The following EIF3K variants were observed in gnomAD, a reference collection of about 807,000 sequenced individuals.
The protein encoded by EIF3K is eukaryotic translation initiation factor 3 subunit K, also known as eIF-3 p28.
A neutral mutation model predicts 34.2 loss-of-function variants in EIF3K; 27 were observed. The ratio of observed to expected loss-of-function variants is 0.79; its 90% confidence interval spans 0.58 to 1.09. The LOEUF is 1.09. EIF3K is among the 50% of genes least tolerant of loss of function. The pLI, the probability that EIF3K is intolerant of heterozygous loss-of-function variation, is 0.00. For missense variants in EIF3K, 232 were observed against 275.4 expected, an observed-to-expected ratio of 0.84 and a Z score of 1.11; for synonymous variants, 105 against 105.7, an observed-to-expected ratio of 0.99 and a Z score of 0.04.
chr19:38,629,240 G>A (rs964962062), intron 4 of EIF3K, among the ~76,000 whole-genome samples: 5 of 151,918 alleles, frequency 3.3e-5, no homozygotes, highest in Non-Finnish European at 7.4e-5. Flanking sequence ...CTATTCCATG[G>A]AACAGATAGA....
At chr19:38,624,557 G>C (rs1975908428) in intron 3 of EIF3K, among the ~76,000 whole-genome samples, 1 of 152,134 alleles carries the variant, frequency 6.6e-6, no homozygotes, top group African/African-American at 2.4e-5. Context: ...GGCCAACATG[G>C]CGAAACCCCA....
At chr19:38,629,067 T>A (rs1010235829) in intron 4 of EIF3K, among the ~76,000 whole-genome samples, 8 of 152,174 alleles carry the variant, frequency 5.3e-5, no homozygotes, top group Non-Finnish European at 7.3e-5. Flanking sequence ...CTTTTTTTTT[T>A]AATTCTTAAA....
Position 38,635,085 on chromosome 19 carries a change from C to T in EIF3K, c.592C>T (p.Pro198Ser), listed in dbSNP as rs1403073283. The change falls in exon 7 of 8, where the codon CCC (proline) becomes TCC (serine). Residue 198 changes from proline to serine, a missense_variant. Transcript: ENST00000248342. ...FICSQEESIK[P>S]KNIVEKIDFD... The stretch of plus-strand genomic sequence containing the variant: ...CTGTAGCCAAGAAGAGAGCATTAAA[C>T]CCAAGAACATTGTGGAGAAGATTGA... 6.2e-7 allele frequency: 1 copy of T among 1,614,234 alleles called. No individual in the cohort carries two copies.
intron 4 of EIF3K, chr19:38,631,997 A>G (rs1599738379): frequency 2.1e-5 from 4 of 188,512 alleles, no homozygotes; most frequent in Non-Finnish European, 4.4e-5. Flanking sequence ...TCAAGGCAGA[A>G]GAATTTTTCT....
At chr19:38,629,898 G>A (rs1166748481) in intron 4 of EIF3K, among the ~76,000 whole-genome samples, 2 of 152,120 alleles carry the variant, frequency 1.3e-5, no homozygotes, top group Non-Finnish European at 2.9e-5. Context: ...AATGGGCTAT[G>A]GTAGGAAAAT....
intron 4 of EIF3K, chr19:38,628,606 C>T (rs1975996715): frequency 6.6e-6 from 1 of 152,254 alleles, no homozygotes; most frequent in Non-Finnish European, 1.5e-5. Flanking sequence ...GGATGGATCG[C>T]CTGAGGTCAG....
In EIF3K at chr19:38,635,037, G is replaced by T. The variant is rs138580388; in HGVS notation, c.544G>T (p.Asp182Tyr). ...VWMSKYGWSA[D>Y]ESGQIFICSQ... is the part of the protein sequence containing the mutation. The stretch of plus-strand genomic sequence containing the variant: ...GATGAGCAAATACGGCTGGAGTGCC[G>T]ACGAGTCGGGGCAGATCTTCATCTG... The change falls in exon 7 of 8, where the codon GAC (aspartate) becomes TAC (tyrosine). Residue 182 changes from aspartate to tyrosine, a missense_variant. By Grantham distance (160) the Asp-to-Tyr change is radical (BLOSUM62 -3). Coordinates refer to ENST00000248342, the MANE Select transcript of EIF3K (RefSeq NM_013234.4). 6.2e-7 allele frequency: 1 copy of T among 1,614,158 alleles called. No individual in the cohort carries two copies. The highest frequency in any genetic ancestry group is 1.1e-5 in the South Asian group (1 of 91,066).
At chr19:38,632,393 A>G (rs1426936939) in intron 4 of EIF3K, 37 bp from the exon 5 acceptor site, 77 of 1,587,188 alleles carry the variant, frequency 4.9e-5, no homozygotes, top group Non-Finnish European at 6.6e-5. Context: ...AAATAATTTA[A>G]AAGAATAAAC....
chr19:38,626,281 C>T (rs1022886849), intron 4 of EIF3K, 179 bp downstream of exon 4: 3 of 648,038 alleles, frequency 4.6e-6, no homozygotes, highest in Non-Finnish European at 5.5e-6. Flanking sequence ...AGGTCATCCC[C>T]GTGCCCACAG....
intron 7 of EIF3K, among the ~76,000 whole-genome samples, chr19:38,636,027 C>T (rs1976182920): frequency 6.6e-6 from 1 of 152,232 alleles, no homozygotes; most frequent in Non-Finnish European, 1.5e-5. Flanking sequence ...CAGCATTGAG[C>T]AGGCAGCCAT....
intron 4 of EIF3K, 35 bp from the exon 5 acceptor site, chr19:38,632,395 A>G: frequency 1.3e-6 from 2 of 1,589,916 alleles, no homozygotes. Context: ...ATAATTTAAA[A>G]GAATAAACAT....
intron 2 of EIF3K, among the ~76,000 whole-genome samples, chr19:38,621,372 C>T (rs919464898): frequency 3.9e-5 from 6 of 152,020 alleles, no homozygotes; most frequent in African/African-American, 1.2e-4. Flanking sequence ...AAGATCATAC[C>T]ACTGCACTCC....
At position 38,635,025 on chromosome 19, in the gene EIF3K, G is replaced by A. The variant is rs750327625; in HGVS notation, c.532G>A (p.Gly178Ser). 4.5e-5 allele frequency: 73 copies of A among 1,614,038 alleles called. No individual in the cohort carries two copies. The highest frequency in any genetic ancestry group is 8.3e-5 in the Admixed American group (5 of 60,004). Reference sequence around the variant, plus strand: ...GCTAAAGGTGTGGATGAGCAAATACGGCTGGAGTGCCGACGAGTCGGGGCA... The same window carrying A: ...GCTAAAGGTGTGGATGAGCAAATACAGCTGGAGTGCCGACGAGTCGGGGCA... ...SQLKVWMSKY[G>S]WSADESGQIF... is the part of the protein sequence containing the mutation. Residue 178 changes from glycine to serine, a missense_variant, in exon 7 of 8, where the codon GGC becomes AGC. Coordinates refer to ENST00000248342, the MANE Select transcript of EIF3K (RefSeq NM_013234.4).
chr19:38,619,727 C>T (rs1464904627), intron 1 of EIF3K, among the ~76,000 whole-genome samples: 1 of 152,248 alleles, frequency 6.6e-6, no homozygotes, highest in Non-Finnish European at 1.5e-5. Context: ...TCTCTCCCTT[C>T]TCTGCTCTAT....
chr19:38,631,908 G>A (rs1325013552), intron 4 of EIF3K: 3 of 220,122 alleles, frequency 1.4e-5, no homozygotes, highest in South Asian at 1.4e-4. Context: ...ATCCTGCACC[G>A]CCCTTAATCC....
intron 3 of EIF3K, among the ~76,000 whole-genome samples, chr19:38,624,907 C>T (rs1214136307): frequency 6.6e-6 from 1 of 152,166 alleles, no homozygotes; most frequent in African/African-American, 2.4e-5. Flanking sequence ...GGCTGTGAGA[C>T]AGGGAAGGGA....
At chr19:38,624,537 AGACCAGCCT>A (rs1395414771) in intron 3 of EIF3K, among the ~76,000 whole-genome samples, 1 of 152,204 alleles carries the variant, frequency 6.6e-6, no homozygotes, top group Non-Finnish European at 1.5e-5. Context: ...CAGGAGTTCG[AGACCAGCCT>A]GGCCAACATG....
rs774534798 is a variant in EIF3K at position 38,635,052 on chromosome 19, A to T, written c.559A>T (p.Ile187Phe). The T allele has an allele frequency of 6.2e-7, 1 of 1,613,878 alleles. No individual in the cohort carries two copies. Among genetic ancestry groups the T allele is most frequent in the African/African-American group, 1.3e-5 (1 of 74,948 alleles). The change falls in exon 7 of 8, where the codon ATC (isoleucine) becomes TTC (phenylalanine). Residue 187 changes from isoleucine to phenylalanine, a missense_variant. Coordinates refer to ENST00000248342, the MANE Select transcript of EIF3K (RefSeq NM_013234.4). Reference sequence around the variant, plus strand: ...CTGGAGTGCCGACGAGTCGGGGCAGATCTTCATCTGTAGCCAAGAAGAGAG... The same window carrying T: ...CTGGAGTGCCGACGAGTCGGGGCAGTTCTTCATCTGTAGCCAAGAAGAGAG... Reference protein sequence around the residue: ...YGWSADESGQIFICSQEESIK... With the variant: ...YGWSADESGQFFICSQEESIK...
chr19:38,624,614 T>A (rs933042873), intron 3 of EIF3K, among the ~76,000 whole-genome samples: 2 of 152,100 alleles, frequency 1.3e-5, no homozygotes, highest in African/African-American at 4.8e-5. Flanking sequence ...GGCACACACC[T>A]ATAGTCCCAG....
Sources: gnomAD v4.1 joint callset for allele counts (sites outside exome capture counted in the v4.1 genomes callset) on GRCh38, gnomAD v4.1.1 for gene constraint, MANE v1.5 for transcripts, NCBI Gene and HGNC (gene_info 2026-07-23, HGNC 2026-07-21) for gene names.